ANK3: variants seen among roughly 807,000 people sequenced by gnomAD.
ANK3 encodes the protein ankyrin-3.
A neutral mutation model predicts 370.9 loss-of-function variants in ANK3; 57 were observed. That is an observed-to-expected ratio of 0.15 (90% CI 0.12 to 0.19). The LOEUF is 0.19. ANK3 is among the 10% of genes least tolerant of loss of function. ANK3 has a pLI of 1.00. For synonymous variants in ANK3, 1,929 were observed against 1,946.3 expected, an observed-to-expected ratio of 0.99 and a Z score of 0.23; for missense variants, 4,439 against 5,302.1, an observed-to-expected ratio of 0.84 and a Z score of 5.06.
At chr10:60,239,561 A>G (rs79211873) in intron 7 of ANK3, among the ~76,000 whole-genome samples, 7 of 152,214 alleles carry the variant, frequency 4.6e-5, no homozygotes, top group Non-Finnish European at 1.0e-4. Flanking sequence ...AGACTTTTTA[A>G]GGTAAACAAA....
chr10:60,170,394 T>A (rs955847593), intron 21 of ANK3, among the ~76,000 whole-genome samples: 5 of 152,200 alleles, frequency 3.3e-5, no homozygotes, highest in African/African-American at 9.7e-5. Flanking sequence ...CTTAAAGTCA[T>A]AGACTCCACC....
intron 2 of ANK3, among the ~76,000 whole-genome samples, chr10:60,462,907 A>T (rs199866243): frequency 2.2e-5 from 3 of 136,414 alleles, no homozygotes; most frequent in Non-Finnish European, 3.4e-5. Context: ...AGTTTTATTT[A>T]TTTTTTTATT....
intron 2 of ANK3, among the ~76,000 whole-genome samples, chr10:60,521,442 G>A (rs1224377636): frequency 2.0e-5 from 3 of 152,060 alleles, no homozygotes; most frequent in Non-Finnish European, 4.4e-5. Context: ...AAAGCATAGT[G>A]GTATTAACTG....
intron 2 of ANK3, among the ~76,000 whole-genome samples, chr10:60,451,400 A>C (rs3999542): frequency 0.38 from 58,111 of 151,920 alleles, 11,806 homozygotes; most frequent in Non-Finnish European, 0.46. Flanking sequence ...CCCTTTCAAA[A>C]CCATTGGCCT....
At chr10:60,357,315 C>T (rs1313499121) in intron 1 of ANK3, among the ~76,000 whole-genome samples, 1 of 152,216 alleles carries the variant, frequency 6.6e-6, no homozygotes, top group African/African-American at 2.4e-5. Context: ...TTCCAGTTAA[C>T]CATTCCCTTG....
At chr10:60,657,671 C>T (rs981757107) in intron 1 of ANK3, among the ~76,000 whole-genome samples, 58 of 152,108 alleles carry the variant, frequency 3.8e-4, no homozygotes, top group African/African-American at 1.3e-3. Context: ...TCCATATGCA[C>T]TCAAAAATAA....
intron 25 of ANK3, among the ~76,000 whole-genome samples, chr10:60,131,955 C>T (rs1376505150): frequency 6.6e-6 from 1 of 152,256 alleles, no homozygotes; most frequent in East Asian, 1.9e-4. Context: ...GTCATTGATA[C>T]CTGGGGAGTC....
chr10:60,067,996 T>C lies in ANK3; in HGVS notation c.12258A>G (p.Pro4086=). Residue 4086 remains proline, a synonymous_variant, in exon 38 of 44, where the codon CCA becomes CCG. Coordinates refer to ENST00000280772, the MANE Select transcript of ANK3 (RefSeq NM_020987.5). The part of the protein sequence containing the change: ...RSSRRTGPQS[P]CERTDIRMAI... Reference sequence around the variant, plus strand: ...CCATCCTGATATCTGTCCGTTCACATGGACTCTGTGGACCTACGATTTACA... The same window carrying C: ...CCATCCTGATATCTGTCCGTTCACACGGACTCTGTGGACCTACGATTTACA... The C allele has an allele frequency of 6.2e-7, 1 of 1,608,710 alleles. No individual in the cohort carries two copies. Among genetic ancestry groups the C allele is most frequent in the Non-Finnish European group, 8.5e-7 (1 of 1,175,640 alleles).
chr10:60,088,372 T>G lies in ANK3; in HGVS notation c.3329-14A>C, dbSNP rs573256112. On this transcript the variant is annotated splice_polypyrimidine_tract_variant and intron_variant, in intron 28 of 43. Transcript: ENST00000280772. ...GGCTATCAAGTTCTGAAAAGACAAA[T>G]GAAAGAAAATGCCATGAGAATAAGC... 1.9e-6 allele frequency: 3 copies of G among 1,605,976 alleles called. No homozygotes were observed. The highest frequency in any genetic ancestry group is 2.7e-5 in the African/African-American group (2 of 74,774).
intron 1 of ANK3, among the ~76,000 whole-genome samples, chr10:60,338,441 C>T (rs921696861): frequency 6.6e-6 from 1 of 152,202 alleles, no homozygotes; most frequent in African/African-American, 2.4e-5. Flanking sequence ...GATGCTGATG[C>T]TGCTGGCCTA....
chr10:60,037,487 T>C (rs982245666), intron 43 of ANK3, among the ~76,000 whole-genome samples: 1 of 152,166 alleles, frequency 6.6e-6, no homozygotes, highest in Admixed American at 6.5e-5. Flanking sequence ...GTTTTTTCCC[T>C]TTTTGTGTCC....
At chr10:60,508,278 G>T (rs1452120611) in intron 2 of ANK3, 1 of 152,394 alleles carries the variant, frequency 6.6e-6, no homozygotes, top group African/African-American at 2.4e-5. Context: ...TCAGGCTTTT[G>T]GTAAAAATTA....
chr10:60,483,760 T>C (rs1187873462), intron 2 of ANK3, among the ~76,000 whole-genome samples: 3 of 152,170 alleles, frequency 2.0e-5, no homozygotes, highest in Non-Finnish European at 1.5e-5. Context: ...CATGGGCCCA[T>C]GTCAGCTACA....
intron 2 of ANK3, among the ~76,000 whole-genome samples, chr10:60,530,773 C>T (rs1333067702): frequency 1.3e-5 from 2 of 152,218 alleles, no homozygotes; most frequent in Non-Finnish European, 2.9e-5. Context: ...GCTAGCTCTA[C>T]ACCTTAATTT....
At chr10:60,660,265 A>T (rs2078918915) in intron 1 of ANK3, among the ~76,000 whole-genome samples, 1 of 152,166 alleles carries the variant, frequency 6.6e-6, no homozygotes, top group South Asian at 2.1e-4. Context: ...ATACCTCTGC[A>T]TGAATATGTC....
rs202007204 is a variant in ANK3, at chr10:60,415,916, G to GCCC, written c.97-136280_97-136278dup. Among the ~76,000 whole-genome samples the GCCC allele has an allele frequency of 7.5e-3, 605 of 80,942 alleles. 17 individuals carry two copies. Among genetic ancestry groups the GCCC allele is most frequent in the Middle Eastern group, 0.016 (2 of 122 alleles). The allele number at this position is 80,942 out of a possible 152,430, so 53.1% of individuals were successfully genotyped here. Reference sequence around the variant, plus strand: ...GGTTCATTGTATGGTCTGAATTTGTGCCCCCCACCCCCCCGCCATTCATGT... The same window carrying GCCC: ...GGTTCATTGTATGGTCTGAATTTGTGCCCCCCCCCACCCCCCCGCCATTCATGT... On this transcript the variant is annotated intron_variant, in intron 2 of 43. Coordinates refer to the ANK3 transcript ENST00000373827.
intron 1 of ANK3, among the ~76,000 whole-genome samples, chr10:60,644,204 C>G (rs2078676545): frequency 6.6e-6 from 1 of 152,162 alleles, no homozygotes; most frequent in African/African-American, 2.4e-5. Flanking sequence ...ACTCACCATG[C>G]AGGTATTGGC....
intron 1 of ANK3, among the ~76,000 whole-genome samples, chr10:60,694,740 G>A (rs1049460541): frequency 7.9e-5 from 12 of 151,984 alleles, no homozygotes; most frequent in African/African-American, 1.9e-4. Context: ...AAGAGCTCCC[G>A]AAGGAAGCGC....
At chr10:60,120,897 T>C (rs1450893189) in intron 25 of ANK3, among the ~76,000 whole-genome samples, 1 of 151,932 alleles carries the variant, frequency 6.6e-6, no homozygotes, top group Admixed American at 6.6e-5. Flanking sequence ...CAGAGAGCAG[T>C]CTGGAGGTTC....
Sources: allele counts gnomAD v4.1 joint callset (sites outside exome capture counted in the v4.1 genomes callset), GRCh38; gene constraint gnomAD v4.1.1; transcripts MANE v1.5; gene names NCBI Gene and HGNC (gene_info 2026-07-23, HGNC 2026-07-21).